The following GAD2 variants were observed in gnomAD, a reference collection of about 807,000 sequenced individuals.
The protein encoded by GAD2 is 65 kDa glutamic acid decarboxylase.
A neutral mutation model predicts 80.1 loss-of-function variants in GAD2; 22 were observed. The ratio of observed to expected loss-of-function variants is 0.27; its 90% CI spans 0.20 to 0.39. The LOEUF (loss-of-function observed/expected upper bound fraction) is 0.39, where lower values mean the gene tolerates loss of function less well. Among genes scored for constraint, GAD2 ranks in the 10% least tolerant of loss-of-function variants. The pLI, the probability that GAD2 is intolerant of heterozygous loss-of-function variation, is 1.00. For missense variants in GAD2, 624 were observed against 738.4 expected (o/e 0.85, Z 1.80); for synonymous variants, 274 against 256.9 (o/e 1.07, Z -0.64).
chr10:26,268,995 T>C, intron 8 of GAD2, 124 bp from the exon 9 acceptor site: 2 of 599,440 alleles, frequency 3.3e-6, no homozygotes, highest in East Asian at 2.9e-5. Context: ...AGTCAAGGAG[T>C]TGTTTTCTCC....
In GAD2 at chr10:26,286,360, T is replaced by A; in HGVS notation, c.1252T>A (p.Cys418Ser). 6.2e-7 allele frequency: 1 copy of A among 1,613,574 alleles called. No homozygotes were observed. Among genetic ancestry groups the A allele is most frequent in the Non-Finnish European group, 8.5e-7 (1 of 1,179,838 alleles). Reference protein sequence around the residue: ...LVREEGLMQNCNQMHASYLFQ... With the variant: ...LVREEGLMQNSNQMHASYLFQ... The stretch of plus-strand genomic sequence containing the variant: ...TCTCTTGTAGGGATTGATGCAGAAT[T>A]GCAACCAAATGCATGCCTCCTACCT... Residue 418 changes from cysteine (C) to serine (S), a missense_variant, in exon 13 of 16, where the codon TGC (cysteine) becomes AGC (serine). Coordinates refer to ENST00000376261, the MANE Select transcript of GAD2 (RefSeq NM_001134366.2).
intron 7 of GAD2, among the ~76,000 whole-genome samples, chr10:26,244,345 T>C (rs1477195372): frequency 6.6e-6 from 1 of 152,186 alleles, no homozygotes; most frequent in Non-Finnish European, 1.5e-5. Flanking sequence ...AAGTTAAAAA[T>C]AGAAGTGCTG....
In GAD2 at chr10:26,300,792, C is replaced by G; in HGVS notation, c.1589C>G (p.Ala530Gly). 1 of 1,613,438 alleles carries G rather than the reference C, an allele frequency of 6.2e-7. No homozygotes were observed. The highest frequency in any genetic ancestry group is 1.1e-5 in the South Asian group (1 of 91,022). Residue 530 changes from alanine to glycine, a missense_variant, in exon 16 of 16, where the codon GCT (alanine) becomes GGT (glycine). Transcript: ENST00000376261. ...CTGATATGGTCTGTCCCACAGGTGG[C>G]TCCAGTGATTAAAGCCAGAATGATG... The part of the protein sequence containing the change: ...EERMSRLSKV[A>G]PVIKARMMEY...
At chr10:26,246,024 G>A (rs1303171674) in intron 8 of GAD2, 24 bp downstream of exon 8, 3 of 1,607,208 alleles carry the variant, frequency 1.9e-6, no homozygotes, top group South Asian at 1.1e-5. Context: ...GGCAACTCTT[G>A]TTGGTTAGCA....
chr10:26,286,445 GCGGACGCCA>G lies in GAD2; in HGVS notation c.1340_1348del (p.Gly447_His449del), dbSNP rs1200924084. 1 of 1,613,930 alleles carries G rather than the reference GCGGACGCCA, an allele frequency of 6.2e-7. No individual in the cohort carries two copies. ...GACACTGGAGACAAGGCCTTACAGT[GCGGACGCCA>G]CGTTGATGTTTTTAAACTATGGCTG... On this transcript the variant is annotated inframe_deletion, in exon 13 of 16. Transcript: ENST00000376261.
At chr10:26,218,952 A>T in intron 3 of GAD2, 91 bp from the exon 4 acceptor site, 1 of 935,688 alleles carries the variant, frequency 1.1e-6, no homozygotes, top group Non-Finnish European at 1.5e-6. Flanking sequence ...GAAATCTCTC[A>T]ATTCAAAGAA....
At chr10:26,224,345 T>C (rs1844493551) in intron 5 of GAD2, among the ~76,000 whole-genome samples, 194 bp from the exon 6 acceptor site, 2 of 152,242 alleles carry the variant, frequency 1.3e-5, no homozygotes, top group Non-Finnish European at 1.5e-5. Flanking sequence ...GTTGGAGCTC[T>C]TGACTGTAGG....
At chr10:26,277,989 GT>G (rs112835024) in intron 11 of GAD2, among the ~76,000 whole-genome samples, 7,228 of 146,108 alleles carry the variant, frequency 0.049, 527 homozygotes, top group African/African-American at 0.17. Flanking sequence ...ACCTGAGGCT[GT>G]TTTTTTTTTT....
chr10:26,294,450 G>A (rs1222704314), intron 15 of GAD2, among the ~76,000 whole-genome samples: 5 of 152,116 alleles, frequency 3.3e-5, no homozygotes, highest in East Asian at 1.9e-4. Context: ...GTAGTGATTT[G>A]CAATCCTGGC....
At chr10:26,285,690 C>T (rs1845323860) in intron 12 of GAD2, among the ~76,000 whole-genome samples, 1 of 152,078 alleles carries the variant, frequency 6.6e-6, no homozygotes, top group African/African-American at 2.4e-5. Context: ...AGGACTGAAG[C>T]TCTGACCACT....
rs1269311697 is a variant in GAD2, at chr10:26,232,602, T to C, written c.840+2825T>C. ...ACCTCCATCTCTGGGGTTCAAGAGA[T>C]TCCTCCTGCCTCAGCCTCTGGAGTA... is the stretch of plus-strand genomic sequence containing the variant. On this transcript the variant is annotated intron_variant, in intron 7 of 15. Transcript: ENST00000376261. 3.3e-5 allele frequency among the ~76,000 whole-genome samples: 5 copies of C among 151,776 alleles called. No homozygotes were observed. In the South Asian group the frequency reaches 6.2e-4, roughly 19 times the overall value.
intron 8 of GAD2, among the ~76,000 whole-genome samples, chr10:26,260,714 C>A (rs753036745): frequency 6.6e-6 from 1 of 152,098 alleles, no homozygotes; most frequent in Non-Finnish European, 1.5e-5. Context: ...TGTCATGTTG[C>A]CTTCAGAAAA....
chr10:26,253,660 G>A (rs926974601), intron 8 of GAD2, among the ~76,000 whole-genome samples: 3 of 152,182 alleles, frequency 2.0e-5, no homozygotes, highest in Non-Finnish European at 4.4e-5. Context: ...TGCAGGCAGT[G>A]GTCTTGATTG....
chr10:26,218,193 T>G (rs1844405971), intron 3 of GAD2: 1 of 513,368 alleles, frequency 1.9e-6, no homozygotes, highest in African/African-American at 2.0e-5. Context: ...GCCTCGGAGC[T>G]CCAAGAGGGC....
intron 15 of GAD2, among the ~76,000 whole-genome samples, chr10:26,297,617 G>A (rs1235076127): frequency 6.6e-6 from 1 of 152,160 alleles, no homozygotes; most frequent in Non-Finnish European, 1.5e-5. Flanking sequence ...CAACCAAAAA[G>A]TACAAAAGCC....
intron 11 of GAD2, among the ~76,000 whole-genome samples, chr10:26,278,260 AC>A (rs1845234270): frequency 6.6e-6 from 1 of 152,244 alleles, no homozygotes; most frequent in Non-Finnish European, 1.5e-5. Context: ...TCCGAATTAG[AC>A]ATCTAGCCAT....
At chr10:26,259,688 T>C (rs1326912472) in intron 8 of GAD2, among the ~76,000 whole-genome samples, 1 of 152,178 alleles carries the variant, frequency 6.6e-6, no homozygotes, top group Non-Finnish European at 1.5e-5. Context: ...TATCTTTTGT[T>C]GTACAAGTTT....
chr10:26,247,508 G>T (rs1844823435), intron 8 of GAD2, among the ~76,000 whole-genome samples: 1 of 152,090 alleles, frequency 6.6e-6, no homozygotes, highest in Admixed American at 6.5e-5. Context: ...GAGGAGGAAT[G>T]AGCACCTCAC....
In GAD2 at chr10:26,303,644, A is replaced by G. The variant is rs1834352491; in HGVS notation, c.*2683A>G. ...AGAACTGACATGGCCATTTTCATTT[A>G]TACAGCAATATTGTGTTTATCATTT... is the stretch of plus-strand genomic sequence containing the variant. On this transcript the variant is annotated 3_prime_UTR_variant, in exon 16 of 16. Transcript: ENST00000376261. 6.6e-6 allele frequency: 1 copy of G among 152,234 alleles called. No individual in the cohort carries two copies. Among genetic ancestry groups the G allele is most frequent in the Non-Finnish European group, 1.5e-5 (1 of 68,038 alleles). The allele number at this position is 152,234 out of a possible 1,614,324, so 9.4% of individuals were successfully genotyped here. A position where few individuals can be genotyped will look rare whatever the true frequency, so the allele number is the denominator to read the frequency against.
Sources: gnomAD v4.1 joint callset for allele counts (sites outside exome capture counted in the v4.1 genomes callset) on GRCh38, gnomAD v4.1.1 for gene constraint, MANE v1.5 for transcripts, NCBI Gene and HGNC (gene_info 2026-07-23, HGNC 2026-07-21) for gene names.